RFNG: variants seen among roughly 807,000 people sequenced by gnomAD.
The protein encoded by RFNG is RFNG O-fucosylpeptide 3-beta-N-acetylglucosaminyltransferase, also known as beta-1,3-N-acetylglucosaminyltransferase radical fringe.
RFNG carries 37 observed loss-of-function variants against 29.6 expected under a neutral mutation model. The observed-to-expected ratio is 1.25, with a 90% CI of 0.96 to 1.65. RFNG has a LOEUF of 1.65. RFNG is among the 40% of genes most tolerant of loss of function. The pLI is 0.00. For synonymous variants in RFNG, 276 were observed against 197.3 expected (o/e 1.40, Z -3.34); for missense variants, 546 against 457.0 (o/e 1.19, Z -1.78).
chr17:82,051,535 G>A lies in RFNG; in HGVS notation c.232C>T (p.Leu78=). The stretch of plus-strand genomic sequence containing the variant: ...GCCCGGGAGATCCAGGTGCGCAGCA[G>A]CAGCCGCAGGCGCGGCCCGTGGTTC... ...RKNHGPRLRL[L]LRTWISRARQ... The change falls in exon 1 of 8, where the codon CTG becomes TTG. Residue 78 remains leucine, a synonymous_variant. Coordinates refer to ENST00000310496, the MANE Select transcript of RFNG (RefSeq NM_002917.2). This position sits in a 1 kb window ranked among gnomAD's most constrained non-coding sequence, Gnocchi z 4.1. The A allele has an allele frequency of 7.1e-7, 1 of 1,399,164 alleles. No individual in the cohort carries two copies. Among genetic ancestry groups the A allele is most frequent in the Non-Finnish European group, 9.3e-7 (1 of 1,072,438 alleles). The allele number at this position is 1,399,164 out of a possible 1,614,324, so 86.7% of individuals were successfully genotyped here.
rs1424830975 is a variant in RFNG, at chr17:82,050,447, C to G, written c.528G>C (p.Leu176=). The change falls in exon 4 of 8, where the codon CTG becomes CTC. Residue 176 remains leucine, a synonymous_variant. Coordinates refer to ENST00000310496, the MANE Select transcript of RFNG (RefSeq NM_002917.2). ...TCTCGGTGGCCTCAATGGGGTGGTC[C>G]AGGCTGGGCCGCCCCAGGTAGACGT... The part of the protein sequence containing the change: ...SQDVYLGRPS[L]DHPIEATERV... 6.2e-7 allele frequency: 1 copy of G among 1,611,630 alleles called. No individual in the cohort carries two copies. The highest frequency in any genetic ancestry group is 8.5e-7 in the Non-Finnish European group (1 of 1,179,466).
At position 82,049,914 on chromosome 17, in the gene RFNG, T is replaced by C. The variant is rs948535345; in HGVS notation, c.662+4A>G. 10 of 1,611,790 alleles carry C rather than the reference T, an allele frequency of 6.2e-6. No homozygotes were observed. Among genetic ancestry groups the C allele is most frequent in the African/African-American group, 1.3e-5 (1 of 74,898 alleles). Reference sequence around the variant, plus strand: ...CCAGCCCGGGCAGCTGGACCCCCACTCACCTGGCCCATGGGCTCATCTTGA... The same window carrying C: ...CCAGCCCGGGCAGCTGGACCCCCACCCACCTGGCCCATGGGCTCATCTTGA... On this transcript the variant is annotated splice_donor_region_variant and intron_variant, in intron 5 of 7. Transcript: ENST00000310496.
chr17:82,048,710 G>A lies in RFNG; in HGVS notation c.*16C>T. 6.2e-7 allele frequency: 1 copy of A among 1,608,468 alleles called. No individual in the cohort carries two copies. The highest frequency in any genetic ancestry group is 1.3e-5 in the African/African-American group (1 of 74,978). On this transcript the variant is annotated 3_prime_UTR_variant, in exon 8 of 8. Coordinates refer to ENST00000310496, the MANE Select transcript of RFNG (RefSeq NM_002917.2). ...CTGGGACAGAGCCAGGCAGCCCTGG[G>A]TCGGGGTGGTTGGTGTCACCGAGAG...
rs992275011 is a variant in RFNG at position 82,051,105 on chromosome 17, G to A, written c.316+189C>T. On this transcript the variant is annotated intron_variant, in intron 2 of 7. Transcript: ENST00000310496. This position sits in a 1 kb window ranked among gnomAD's most constrained non-coding sequence, Gnocchi z 4.1. ...GAAGCGGCTAGTGTGAGAGGCTGGT[G>A]GGGAGCAGAGCTTGGCTGGCAGGGT... 7 of 1,354,940 alleles carry A rather than the reference G, an allele frequency of 5.2e-6. No individual in the cohort carries two copies. Among genetic ancestry groups the A allele is most frequent in the Non-Finnish European group, 6.6e-6 (7 of 1,059,192 alleles). The allele number at this position is 1,354,940 out of a possible 1,614,324, so 83.9% of individuals were successfully genotyped here. A position where few individuals can be genotyped will look rare whatever the true frequency, so the allele number is the denominator to read the frequency against.
chr17:82,051,188 G>A lies in RFNG; in HGVS notation c.316+106C>T. On this transcript the variant is annotated intron_variant, in intron 2 of 7. Transcript: ENST00000310496. This position sits in a 1 kb window ranked among gnomAD's most constrained non-coding sequence, Gnocchi z 4.1. ...GTCGGGGCCTCCCCGGGCCTCGGGAGCCTGGGCAGAGAAAGGCACCCACAG... is the reference window on the plus strand; with the variant it reads ...GTCGGGGCCTCCCCGGGCCTCGGGAACCTGGGCAGAGAAAGGCACCCACAG... The A allele has an allele frequency of 7.7e-7, 1 of 1,306,200 alleles. No homozygotes were observed. Among genetic ancestry groups the A allele is most frequent in the African/African-American group, 1.5e-5 (1 of 64,892 alleles). 80.9% of individuals were successfully genotyped at this position (1,306,200 alleles called of 1,614,324 possible).
rs1568029430 is a variant in RFNG, at chr17:82,049,834, C to T, written c.671G>A (p.Ser224Asn). ...CACCTGCTCAGCTGTGCTCATGAAG[C>T]TGCCCAGGCTGGGGGGAGGCCGGTC... ...LKMSPWASLG[S>N]FMSTAEQVRL... The change falls in exon 6 of 8, where the codon AGC becomes AAC. Residue 224 changes from serine to asparagine, a missense_variant. By Grantham distance (46) the Ser-to-Asn change is conservative (BLOSUM62 1). Coordinates refer to ENST00000310496, the MANE Select transcript of RFNG (RefSeq NM_002917.2). The T allele has an allele frequency of 1.3e-6, 2 of 1,594,618 alleles. No homozygotes were observed. Among genetic ancestry groups the T allele is most frequent in the East Asian group, 4.5e-5 (2 of 44,698 alleles).
intron 3 of RFNG, 30 bp from the exon 4 acceptor site, chr17:82,050,585 G>A (rs376341967): frequency 5.0e-6 from 8 of 1,608,664 alleles, no homozygotes; most frequent in Non-Finnish European, 6.8e-6. Context: ...TGGGCACGAG[G>A]GCCTGGCATG....
rs773190673 is a variant in RFNG at position 82,050,017 on chromosome 17, G to A, written c.574-11C>T. The A allele has an allele frequency of 6.7e-5, 108 of 1,600,842 alleles. No homozygotes were observed. Among genetic ancestry groups the A allele is most frequent in the Middle Eastern group, 4.9e-4 (3 of 6,066 alleles). On this transcript the variant is annotated splice_polypyrimidine_tract_variant and intron_variant, in intron 4 of 7. Transcript: ENST00000310496. ...CTTGACCGTGGTCACCTGAAGATGG[G>A]GTGGTGGTCAGAGCTGCCCAGGACA...
In RFNG at chr17:82,051,189, C is replaced by T. The variant is rs1479930790; in HGVS notation, c.316+105G>A. ...TCGGGGCCTCCCCGGGCCTCGGGAG[C>T]CTGGGCAGAGAAAGGCACCCACAGC... On this transcript the variant is annotated intron_variant, in intron 2 of 7. Transcript: ENST00000310496. The surrounding 1 kb of genome is among the most constrained non-coding windows in gnomAD (Gnocchi z 4.1). The T allele has an allele frequency of 7.7e-6, 10 of 1,305,524 alleles. No homozygotes were observed. The highest frequency in any genetic ancestry group is 8.8e-6 in the Non-Finnish European group (9 of 1,024,140). The allele number at this position is 1,305,524 out of a possible 1,614,324, so 80.9% of individuals were successfully genotyped here.
Position 82,051,333 on chromosome 17 carries a change from A to C in RFNG, c.277T>G (p.Phe93Val). 6.8e-7 allele frequency: 1 copy of C among 1,460,384 alleles called. No individual in the cohort carries two copies. Among genetic ancestry groups the C allele is most frequent in the Non-Finnish European group, 9.0e-7 (1 of 1,114,178 alleles). 90.5% of individuals were successfully genotyped at this position (1,460,384 alleles called of 1,614,324 possible). A position where few individuals can be genotyped will look rare whatever the true frequency, so the allele number is the denominator to read the frequency against. The change falls in exon 2 of 8, where the codon TTC (phenylalanine) becomes GTC (valine). Residue 93 changes from phenylalanine (F) to valine (V), a missense_variant. Coordinates refer to ENST00000310496, the MANE Select transcript of RFNG (RefSeq NM_002917.2). The surrounding 1 kb of genome is among the most constrained non-coding windows in gnomAD (Gnocchi z 4.1). ...AGCTCAGGGTCGTCCCCGTCGGTGAAGATAAACGTCTGGGGGAGAAACAAT... is the reference window on the plus strand; with the variant it reads ...AGCTCAGGGTCGTCCCCGTCGGTGACGATAAACGTCTGGGGGAGAAACAAT... Reference protein sequence around the residue: ...ISRARQQTFIFTDGDDPELEL... With the variant: ...ISRARQQTFIVTDGDDPELEL...
chr17:82,051,534 A>G lies in RFNG; in HGVS notation c.233T>C (p.Leu78Pro). Residue 78 changes from leucine (L) to proline (P), a missense_variant, in exon 1 of 8, where the codon CTG becomes CCG. By Grantham distance (98) the Leu-to-Pro change is moderately conservative (BLOSUM62 -3). Transcript: ENST00000310496. The surrounding 1 kb of genome is among the most constrained non-coding windows in gnomAD (Gnocchi z 4.1). ...GGCCCGGGAGATCCAGGTGCGCAGC[A>G]GCAGCCGCAGGCGCGGCCCGTGGTT... is the stretch of plus-strand genomic sequence containing the variant. ...RKNHGPRLRLLLRTWISRARQ... is the reference protein window; with the variant it reads ...RKNHGPRLRLPLRTWISRARQ... 4.3e-6 allele frequency: 6 copies of G among 1,399,682 alleles called. No individual in the cohort carries two copies. The highest frequency in any genetic ancestry group is 3.2e-5 in the East Asian group (1 of 31,478). The allele number at this position is 1,399,682 out of a possible 1,614,324, so 86.7% of individuals were successfully genotyped here.
intron 2 of RFNG, 172 bp from the exon 3 acceptor site, chr17:82,050,936 G>A (rs1013220218): frequency 3.5e-6 from 5 of 1,414,018 alleles, no homozygotes; most frequent in Middle Eastern, 2.5e-4. Flanking sequence ...CCCTGCTGGT[G>A]CCACCGAGGC....
Position 82,049,685 on chromosome 17 carries a change from G to A in RFNG, c.820C>T (p.Leu274Phe). 1 of 1,469,640 alleles carries A rather than the reference G, an allele frequency of 6.8e-7. No homozygotes were observed. The highest frequency in any genetic ancestry group is 9.0e-7 in the Non-Finnish European group (1 of 1,110,138). 91.0% of individuals were successfully genotyped at this position (1,469,640 alleles called of 1,614,324 possible). A position where few individuals can be genotyped will look rare whatever the true frequency, so the allele number is the denominator to read the frequency against. ...NLQRLPPDTL[L>F]QQVTLSHGGP... ...CAGAGTGGCGCCTGTACCTGCTGGA[G>A]CAGGGTGTCGGGCGGCAGCCTCTGC... The change falls in exon 6 of 8, where the codon CTC becomes TTC. Residue 274 changes from leucine to phenylalanine, a missense_variant. Coordinates refer to ENST00000310496, the MANE Select transcript of RFNG (RefSeq NM_002917.2).
Position 82,051,058 on chromosome 17 carries a change from T to C in RFNG, c.316+236A>G. The C allele has an allele frequency of 4.3e-6, 6 of 1,383,514 alleles. No homozygotes were observed. Among genetic ancestry groups the C allele is most frequent in the Non-Finnish European group, 5.6e-6 (6 of 1,073,974 alleles). The allele number at this position is 1,383,514 out of a possible 1,614,324, so 85.7% of individuals were successfully genotyped here. On this transcript the variant is annotated intron_variant, in intron 2 of 7. Transcript: ENST00000310496. The surrounding 1 kb of genome is among the most constrained non-coding windows in gnomAD (Gnocchi z 4.1). ...CCTGCTGGCGCTTCTTCAGGGGACGTGGCACTAGCCCCACGCCCCGGGAAG... is the reference window on the plus strand; with the variant it reads ...CCTGCTGGCGCTTCTTCAGGGGACGCGGCACTAGCCCCACGCCCCGGGAAG...
chr17:82,050,033 GC>G, intron 4 of RFNG, 27 bp from the exon 5 acceptor site: 1 of 1,567,948 alleles, frequency 6.4e-7, no homozygotes, highest in Non-Finnish European at 8.7e-7. Context: ...GGTCAGAGCT[GC>G]CCAGGACAGG....
intron 3 of RFNG, 34 bp downstream of exon 3, chr17:82,050,628 T>G (rs781492265): frequency 6.2e-7 from 1 of 1,610,914 alleles, no homozygotes; most frequent in Non-Finnish European, 8.5e-7. Flanking sequence ...AGCTTGGCTC[T>G]GAGCTCTCTG....
chr17:82,049,706 T>A lies in RFNG; in HGVS notation c.799A>T (p.Arg267Trp). 6.7e-7 allele frequency: 1 copy of A among 1,495,948 alleles called. No individual in the cohort carries two copies. Among genetic ancestry groups the A allele is most frequent in the Non-Finnish European group, 8.9e-7 (1 of 1,124,632 alleles). 92.7% of individuals were successfully genotyped at this position (1,495,948 alleles called of 1,614,324 possible). A position where few individuals can be genotyped will look rare whatever the true frequency, so the allele number is the denominator to read the frequency against. Residue 267 changes from arginine (R) to tryptophan (W), a missense_variant, in exon 6 of 8, where the codon AGG becomes TGG. Transcript: ENST00000310496. ...TGGAGCAGGGTGTCGGGCGGCAGCC[T>A]CTGCAGGTTCTCCAGGTGAGAGTGG... Reference protein sequence around the residue: ...LFHSHLENLQRLPPDTLLQQV... With the variant: ...LFHSHLENLQWLPPDTLLQQV...
rs2030560686 is a variant in RFNG, at chr17:82,051,422, G to A, written c.267+78C>T. On this transcript the variant is annotated intron_variant, in intron 1 of 7. Transcript: ENST00000310496. This position sits in a 1 kb window ranked among gnomAD's most constrained non-coding sequence, Gnocchi z 4.1. ...ACCCGCCCCGCGCGGAGCCTCCGGG[G>A]GCCTGGGCCGGGCCTAGACCCTGGG... The A allele has an allele frequency of 2.2e-6, 3 of 1,386,548 alleles. No individual in the cohort carries two copies. Among genetic ancestry groups the A allele is most frequent in the Admixed American group, 4.0e-5 (1 of 24,956 alleles). 85.9% of individuals were successfully genotyped at this position (1,386,548 alleles called of 1,614,324 possible). A position where few individuals can be genotyped will look rare whatever the true frequency, so the allele number is the denominator to read the frequency against.
At position 82,049,904 on chromosome 17, in the gene RFNG, G is replaced by C; in HGVS notation, c.662+14C>G. 2 of 1,611,644 alleles carry C rather than the reference G, an allele frequency of 1.2e-6. No homozygotes were observed. The highest frequency in any genetic ancestry group is 8.5e-7 in the Non-Finnish European group (1 of 1,179,430). Reference sequence around the variant, plus strand: ...CCTCCGCCTCCCAGCCCGGGCAGCTGGACCCCCACTCACCTGGCCCATGGG... The same window carrying C: ...CCTCCGCCTCCCAGCCCGGGCAGCTCGACCCCCACTCACCTGGCCCATGGG... On this transcript the variant is annotated intron_variant, in intron 5 of 7. Transcript: ENST00000310496.
Sources: gnomAD v4.1 joint callset for allele counts on GRCh38, gnomAD v4.1.1 for gene constraint, Gnocchi (gnomAD v3.1) non-coding constraint, MANE v1.5 for transcripts, NCBI Gene and HGNC (gene_info 2026-07-23, HGNC 2026-07-21) for gene names.